Variants in LRCH2 observed in about 807,000 individuals in gnomAD.
LRCH2 encodes leucine-rich repeat and calponin homology domain-containing protein 2.
Under a neutral mutation model 68.9 loss-of-function variants are expected in LRCH2, and 38 were observed. That is an observed-to-expected ratio of 0.55 (90% confidence interval 0.43 to 0.72). LRCH2 has a LOEUF of 0.72. Among genes scored for constraint, LRCH2 ranks in the 30% least tolerant of loss-of-function variants. The probability of loss-of-function intolerance (pLI) is 0.00; values close to 1 mark genes in which losing one functional copy is unlikely to be tolerated. For missense variants in LRCH2, 528 were observed against 572.9 expected, an observed-to-expected ratio of 0.92 and a Z score of 0.80; for synonymous variants, 191 against 208.1, an observed-to-expected ratio of 0.92 and a Z score of 0.71.
chrX:115,110,653 A>G lies in LRCH2; in HGVS notation c.*2563T>C, dbSNP rs2072036136. ...ACTTTATCCACAGTTTGCATCGGTA[A>G]TATACATTTAAGTGTTCCATTTATT... On this transcript the variant is annotated 3_prime_UTR_variant, in exon 21 of 21. Transcript: ENST00000317135. The G allele has an allele frequency of 8.9e-6, 1 of 112,139 alleles. No individual in the cohort carries two copies. The highest frequency in any genetic ancestry group is 9.6e-5 in the Admixed American group (1 of 10,454). The allele number at this position is 112,139 out of a possible 1,213,427, so 9.2% of individuals were successfully genotyped here. A position where few individuals can be genotyped will look rare whatever the true frequency, so the allele number is the denominator to read the frequency against.
At chrX:115,218,865 T>C (rs1294319670) in intron 1 of LRCH2, among the ~76,000 whole-genome samples, 3 of 112,287 alleles carry the variant, frequency 2.7e-5, no homozygotes, top group African/African-American at 9.7e-5. Flanking sequence ...GCTTCATTCT[T>C]TCCTTGCTTT....
chrX:115,122,874 T>C lies in LRCH2; in HGVS notation c.1986A>G (p.Val662=), dbSNP rs2072155607. The C allele has an allele frequency of 2.5e-6, 3 of 1,208,018 alleles. No individual in the cohort carries two copies. Among genetic ancestry groups the C allele is most frequent in the Non-Finnish European group, 3.4e-6 (3 of 893,284 alleles). ...LRNNLESRLK[V]ILPDDIGAAL... ...CAGCTCCAATGTCATCAGGCAAAATTACTTTTAACCTGGATTCAAGATTCT... is the reference window on the plus strand; with the variant it reads ...CAGCTCCAATGTCATCAGGCAAAATCACTTTTAACCTGGATTCAAGATTCT... The change falls in exon 19 of 21, where the codon GTA becomes GTG. Residue 662 remains valine (V), a synonymous_variant. Coordinates refer to ENST00000317135, the MANE Select transcript of LRCH2 (RefSeq NM_020871.4).
chrX:115,190,557 T>C lies in LRCH2; in HGVS notation c.350-2187A>G. 6.1e-6 allele frequency: 7 copies of C among 1,154,916 alleles called. No individual in the cohort carries two copies. The East Asian group carries it at 9.9e-5, about 16-fold the overall frequency. On this transcript the variant is annotated intron_variant, in intron 1 of 20. Transcript: ENST00000317135. Reference sequence around the variant, plus strand: ...AAGCCTATAGTGGGGGCCGCAGCAGTTCCAGTAACGGTTACAGCCGGAGTG... The same window carrying C: ...AAGCCTATAGTGGGGGCCGCAGCAGCTCCAGTAACGGTTACAGCCGGAGTG...
intron 6 of LRCH2, 130 bp downstream of exon 6, chrX:115,170,169 C>T: frequency 1.8e-6 from 1 of 560,736 alleles, no homozygotes. Flanking sequence ...TATGTAGCTT[C>T]AGCCAATTAT....
chrX:115,194,226 T>C (rs2072870600), intron 1 of LRCH2, among the ~76,000 whole-genome samples: 1 of 111,750 alleles, frequency 8.9e-6, no homozygotes, highest in African/African-American at 3.3e-5. Context: ...GCTATGTTTA[T>C]ATAATATGAA....
intron 1 of LRCH2, among the ~76,000 whole-genome samples, chrX:115,199,864 T>C (rs2072917777): frequency 8.9e-6 from 1 of 112,404 alleles, no homozygotes. Context: ...GATGAGCACA[T>C]GGAACATTCT....
chrX:115,132,753 T>A (rs189097018), intron 14 of LRCH2, among the ~76,000 whole-genome samples: 1 of 111,924 alleles, frequency 8.9e-6, no homozygotes, highest in Non-Finnish European at 1.9e-5. Flanking sequence ...GAAAAAATCC[T>A]ATTTATCAGG....
Position 115,234,079 on chromosome X carries a change from A to C in LRCH2, c.-38T>G. ...GAGAATAGCCCCCGACAATACTGTCAGCCTGTGCCGCGAGTGTAAGGGGTT... is the reference window on the plus strand; with the variant it reads ...GAGAATAGCCCCCGACAATACTGTCCGCCTGTGCCGCGAGTGTAAGGGGTT... On this transcript the variant is annotated 5_prime_UTR_variant, in exon 1 of 21. Coordinates refer to ENST00000317135, the MANE Select transcript of LRCH2 (RefSeq NM_020871.4). The C allele has an allele frequency of 8.7e-7, 1 of 1,152,243 alleles. No individual in the cohort carries two copies. The highest frequency in any genetic ancestry group is 1.2e-6 in the Non-Finnish European group (1 of 864,379). 95.0% of individuals were successfully genotyped at this position (1,152,243 alleles called of 1,213,427 possible).
intron 20 of LRCH2, among the ~76,000 whole-genome samples, chrX:115,119,734 A>G (rs868914645): frequency 0.022 from 1,852 of 84,617 alleles, 67 homozygotes; most frequent in African/African-American, 0.079. Context: ...CCAAAAGAAC[A>G]AAGCTGGAGG....
At chrX:115,230,355 G>A (rs1556578077) in intron 1 of LRCH2, among the ~76,000 whole-genome samples, 1 of 110,913 alleles carries the variant, frequency 9.0e-6, no homozygotes, top group Non-Finnish European at 1.9e-5. Context: ...TCACCAATTG[G>A]AGATTCAAGT....
chrX:115,135,659 C>G (rs1246460317), intron 14 of LRCH2, among the ~76,000 whole-genome samples: 1 of 111,649 alleles, frequency 9.0e-6, no homozygotes, highest in Non-Finnish European at 1.9e-5. Context: ...GACTCCAATT[C>G]TGAAAGAAGT....
chrX:115,183,457 G>A (rs2072709187), intron 3 of LRCH2, among the ~76,000 whole-genome samples: 1 of 111,415 alleles, frequency 9.0e-6, no homozygotes, highest in African/African-American at 3.3e-5. Flanking sequence ...CACTTTGGGA[G>A]GCCGAAGCAA....
intron 1 of LRCH2, among the ~76,000 whole-genome samples, chrX:115,202,195 A>C (rs782610010): frequency 8.9e-6 from 1 of 112,228 alleles, no homozygotes; most frequent in South Asian, 3.7e-4. Flanking sequence ...AAATAGCCAA[A>C]GCATTGGTCT....
At chrX:115,216,330 C>A (rs2073041833) in intron 1 of LRCH2, among the ~76,000 whole-genome samples, 1 of 111,526 alleles carries the variant, frequency 9.0e-6, no homozygotes, top group African/African-American at 3.3e-5. Flanking sequence ...GGAAATATAC[C>A]AAAATATTAA....
At chrX:115,151,558 A>G (rs2147373874) in intron 12 of LRCH2, among the ~76,000 whole-genome samples, 1 of 111,663 alleles carries the variant, frequency 9.0e-6, no homozygotes, top group Admixed American at 9.6e-5. Flanking sequence ...AAATATTGGA[A>G]TAGAGAGAGC....
chrX:115,222,685 A>C (rs1247970398), intron 1 of LRCH2, among the ~76,000 whole-genome samples: 4 of 112,531 alleles, frequency 3.6e-5, no homozygotes, highest in African/African-American at 1.3e-4. Context: ...ATAATTGTTA[A>C]AAGACATTAA....
chrX:115,158,672 C>T (rs782157975), intron 11 of LRCH2, among the ~76,000 whole-genome samples: 1 of 111,816 alleles, frequency 8.9e-6, no homozygotes, highest in Non-Finnish European at 1.9e-5. Flanking sequence ...TCTCAAGACA[C>T]ACCTAAAAGC....
At chrX:115,124,077 T>A in intron 16 of LRCH2, 75 bp from the exon 17 acceptor site, 1 of 527,724 alleles carries the variant, frequency 1.9e-6, no homozygotes, top group Non-Finnish European at 2.8e-6. Flanking sequence ...AAGGTGCTTA[T>A]TCACATCCAT....
intron 6 of LRCH2, among the ~76,000 whole-genome samples, chrX:115,166,726 T>C (rs931332419): frequency 2.7e-5 from 3 of 111,066 alleles, no homozygotes; most frequent in East Asian, 5.7e-4. Flanking sequence ...TTACTCTTCA[T>C]TGGCTCTAAA....
Sources: gnomAD v4.1 joint callset for allele counts (sites outside exome capture counted in the v4.1 genomes callset) on GRCh38, gnomAD v4.1.1 for gene constraint, MANE v1.5 for transcripts, NCBI Gene and HGNC (gene_info 2026-07-23, HGNC 2026-07-21) for gene names.